Variants in ZNF362 observed in about 807,000 individuals in gnomAD.
The protein encoded by ZNF362 is rotund homolog.
In ZNF362, 11 loss-of-function variants were observed where a neutral mutation model predicts 42.9. That is an observed-to-expected ratio of 0.26 (90% CI 0.16 to 0.42). The LOEUF (loss-of-function observed/expected upper bound fraction) is 0.42. ZNF362 is among the 20% of genes least tolerant of loss of function. ZNF362 has a pLI of 1.00. For synonymous variants in ZNF362, 255 were observed against 257.3 expected (o/e 0.99, Z 0.09); for missense variants, 362 against 576.2 (o/e 0.63, Z 3.81).
At chr1:33,131,014 A>C in the ZNF362 span, among the ~76,000 whole-genome samples, 1 of 152,214 alleles carries the variant, frequency 6.6e-6, no homozygotes, top group African/African-American at 2.4e-5. Context: ...GCCAGCATGC[A>C]GGTCACTGGG....
Position 33,276,602 on chromosome 1 carries a change from G to A in ZNF362, c.349+8G>A, listed in dbSNP as rs945289640. On this transcript the variant is annotated splice_region_variant and intron_variant, in intron 4 of 8. Coordinates refer to ENST00000539719, the MANE Select transcript of ZNF362 (RefSeq NM_152493.3). ...CCACCAGCACCGTCACAGGTAGGCC[G>A]AGCGGGCGGGGCCGGCGGGGCCGGT... 14 of 1,335,614 alleles carry A rather than the reference G, an allele frequency of 1.0e-5. No individual in the cohort carries two copies. The highest frequency in any genetic ancestry group is 1.6e-5 in the African/African-American group (1 of 64,336). 82.7% of individuals were successfully genotyped at this position (1,335,614 alleles called of 1,614,324 possible). A position where few individuals can be genotyped will look rare whatever the true frequency, so the allele number is the denominator to read the frequency against.
chr1:33,222,191 C>T, the ZNF362 span, among the ~76,000 whole-genome samples: 7,997 of 152,152 alleles, frequency 0.053, 405 homozygotes, highest in African/African-American at 0.12. Context: ...ATGGAAATGG[C>T]ATCAGAATGG....
the ZNF362 span, among the ~76,000 whole-genome samples, chr1:33,211,000 C>T: frequency 4.6e-5 from 7 of 151,736 alleles, no homozygotes; most frequent in African/African-American, 1.5e-4. Context: ...GTGGCACAAT[C>T]CTGGCTCACT....
At chr1:33,138,626 C>CAAAAAAA in the ZNF362 span, among the ~76,000 whole-genome samples, 49 of 66,006 alleles carry the variant, frequency 7.4e-4, no homozygotes, top group East Asian at 1.4e-3. Flanking sequence ...ACAACAACAA[C>CAAAAAAA]AAAAAAAAAA....
the ZNF362 span, among the ~76,000 whole-genome samples, chr1:33,131,844 C>G: frequency 2.0e-5 from 3 of 152,024 alleles, no homozygotes; most frequent in East Asian, 3.8e-4. Context: ...AACTTTATCT[C>G]TCTCAGTGAC....
chr1:33,197,648 C>T, the ZNF362 span, among the ~76,000 whole-genome samples: 1 of 152,154 alleles, frequency 6.6e-6, no homozygotes. Context: ...GTTTCCAGGC[C>T]ACAGTACGGG....
chr1:33,275,200 T>C, intron 2 of ZNF362: 1 of 983,986 alleles, frequency 1.0e-6, no homozygotes, highest in African/African-American at 1.7e-5. Flanking sequence ...AAGTCACTTC[T>C]TGACTTACTC....
the ZNF362 span, among the ~76,000 whole-genome samples, chr1:33,189,957 A>G: frequency 1.3e-5 from 2 of 151,854 alleles, no homozygotes; most frequent in African/African-American, 2.4e-5. Context: ...TCTTGCCTCC[A>G]TATCTCCTTA....
At chr1:33,286,463 A>T (rs1483953541) in intron 6 of ZNF362, among the ~76,000 whole-genome samples, 1 of 151,986 alleles carries the variant, frequency 6.6e-6, no homozygotes, top group Non-Finnish European at 1.5e-5. Context: ...TCTTTGACTC[A>T]GGGATTATTC....
the ZNF362 span, among the ~76,000 whole-genome samples, chr1:33,135,864 T>C: frequency 1.3e-5 from 2 of 152,098 alleles, no homozygotes; most frequent in African/African-American, 4.8e-5. Context: ...GCTGTAGGAA[T>C]TGTTGGGTAA....
the ZNF362 span, among the ~76,000 whole-genome samples, chr1:33,241,868 G>T: frequency 6.6e-6 from 1 of 152,132 alleles, no homozygotes; most frequent in African/African-American, 2.4e-5. Context: ...GAGCCACCAT[G>T]CCTGGCCCTG....
the ZNF362 span, among the ~76,000 whole-genome samples, chr1:33,155,730 A>C: frequency 6.6e-6 from 1 of 152,206 alleles, no homozygotes; most frequent in Admixed American, 6.5e-5. Flanking sequence ...TCACTTCTCT[A>C]TCCAGGTCTC....
At chr1:33,298,832 C>G in intron 8 of ZNF362, 98 bp from the exon 9 acceptor site, 2 of 1,029,974 alleles carry the variant, frequency 1.9e-6, no homozygotes, top group Non-Finnish European at 3.0e-6. Context: ...CTCTGAACCG[C>G]CTACCAAGAG....
At chr1:33,284,936 C>G (rs781714258) in intron 6 of ZNF362, among the ~76,000 whole-genome samples, 1 of 152,116 alleles carries the variant, frequency 6.6e-6, no homozygotes, top group East Asian at 1.9e-4. Context: ...AACGTGGCAG[C>G]CTGTATGCAT....
the ZNF362 span, among the ~76,000 whole-genome samples, chr1:33,170,630 G>A: frequency 6.6e-6 from 1 of 152,166 alleles, no homozygotes; most frequent in Admixed American, 6.5e-5. Context: ...TGGGCTAGGT[G>A]CAGAGCCCAA....
At chr1:33,200,470 G>A in the ZNF362 span, 1 of 152,120 alleles carries the variant, frequency 6.6e-6, no homozygotes, top group Non-Finnish European at 1.5e-5. Flanking sequence ...TTACATTAAT[G>A]TAAAAGATTT....
the ZNF362 span, chr1:33,181,395 A>G: frequency 6.2e-7 from 1 of 1,603,194 alleles, no homozygotes; most frequent in Non-Finnish European, 8.5e-7. The surrounding 1 kb of genome is among the most constrained non-coding windows in gnomAD (Gnocchi z 6.5). Flanking sequence ...GCTCAGGCAG[A>G]TGGAGCACAG....
chr1:33,144,038 GT>G, the ZNF362 span, among the ~76,000 whole-genome samples: 1 of 152,164 alleles, frequency 6.6e-6, no homozygotes, highest in African/African-American at 2.4e-5. Context: ...ACAGAAGATA[GT>G]GTCTGATGGC....
chr1:33,277,496 G>A (rs1645959878), intron 4 of ZNF362, among the ~76,000 whole-genome samples: 1 of 152,226 alleles, frequency 6.6e-6, no homozygotes, highest in Non-Finnish European at 1.5e-5. Context: ...AGGTTTTTAA[G>A]TAGGGGAGGA....
Sources: allele counts gnomAD v4.1 joint callset (sites outside exome capture counted in the v4.1 genomes callset), GRCh38; gene constraint gnomAD v4.1.1; non-coding constraint Gnocchi (gnomAD v3.1); transcripts MANE v1.5; gene names NCBI Gene and HGNC (gene_info 2026-07-23, HGNC 2026-07-21).